The following CAMK1D variants were observed in gnomAD, a reference collection of about 807,000 sequenced individuals.
CAMK1D encodes calcium/calmodulin dependent protein kinase ID.
In CAMK1D, 9 loss-of-function variants were observed where a neutral mutation model predicts 47.7. That is an observed-to-expected ratio of 0.19 (90% CI 0.11 to 0.33). The LOEUF (loss-of-function observed/expected upper bound fraction) is 0.33. Among genes scored for constraint, CAMK1D ranks in the 10% least tolerant of loss-of-function variants. The pLI is 1.00. For missense variants in CAMK1D, 291 were observed against 488.7 expected (o/e 0.60, Z 3.81); for synonymous variants, 184 against 184.9 (o/e 0.99, Z 0.04).
At chr10:12,763,514 T>C (rs1289933042) in intron 4 of CAMK1D, among the ~76,000 whole-genome samples, 3 of 152,178 alleles carry the variant, frequency 2.0e-5, no homozygotes, top group African/African-American at 7.2e-5. Context: ...TGGATTAGGA[T>C]TGGGTTTCTC....
chr10:12,820,778 T>C (rs1623686), intron 8 of CAMK1D, among the ~76,000 whole-genome samples: 98,253 of 151,772 alleles, frequency 0.65, 32,935 homozygotes, highest in East Asian at 0.83. Flanking sequence ...TCTTAGCAGA[T>C]GGCTCCCGCC....
intron 2 of CAMK1D, among the ~76,000 whole-genome samples, chr10:12,559,774 A>G (rs1379877171): frequency 1.3e-5 from 2 of 152,150 alleles, no homozygotes. Flanking sequence ...CAGTAGTGGC[A>G]GTGCCAGGCC....
intron 3 of CAMK1D, among the ~76,000 whole-genome samples, chr10:12,676,214 A>G (rs1429889004): frequency 6.6e-6 from 1 of 152,170 alleles, no homozygotes; most frequent in African/African-American, 2.4e-5. Flanking sequence ...TCTACCTCCC[A>G]GAGTGCTGGG....
In CAMK1D at chr10:12,707,521, A is replaced by T. The variant is rs375589597; in HGVS notation, c.299+40711A>T. Among the ~76,000 whole-genome samples, 604 of 152,324 alleles carry T rather than the reference A, an allele frequency of 4.0e-3. 7 individuals are homozygous for T. The highest frequency in any genetic ancestry group is 0.013 in the African/African-American group (558 of 41,574). ...ACATTGGCAGCAAGGCAGGTGGCCA[A>T]AGCCTGCGGAGGAAGGACAGGAAAT... is the stretch of plus-strand genomic sequence containing the variant. On this transcript the variant is annotated intron_variant, in intron 3 of 10. Coordinates refer to ENST00000619168, the MANE Select transcript of CAMK1D (RefSeq NM_153498.4).
At chr10:12,774,809 G>A (rs1432674803) in intron 5 of CAMK1D, among the ~76,000 whole-genome samples, 3 of 152,252 alleles carry the variant, frequency 2.0e-5, no homozygotes, top group Non-Finnish European at 2.9e-5. Flanking sequence ...TTTAGGTTGC[G>A]CGCTCCTTTT....
chr10:12,582,758 T>C (rs1837699208), intron 2 of CAMK1D, among the ~76,000 whole-genome samples: 1 of 152,224 alleles, frequency 6.6e-6, no homozygotes, highest in African/African-American at 2.4e-5. Context: ...TTATCAGAAG[T>C]GTGCTTTTTA....
chr10:12,356,772 T>C (rs951954839), intron 1 of CAMK1D, among the ~76,000 whole-genome samples: 8 of 150,196 alleles, frequency 5.3e-5, no homozygotes, highest in African/African-American at 2.0e-4. Flanking sequence ...AACTTCAGTG[T>C]CCTTATTGAT....
chr10:12,422,102 C>G (rs185774879), intron 1 of CAMK1D, among the ~76,000 whole-genome samples: 14 of 150,622 alleles, frequency 9.3e-5, no homozygotes, highest in Non-Finnish European at 1.9e-4. Context: ...AGCCACTGTG[C>G]CCAGTCTTGG....
At chr10:12,828,119 C>T (rs113540848) in intron 10 of CAMK1D, among the ~76,000 whole-genome samples, 2,239 of 152,260 alleles carry the variant, frequency 0.015, 48 homozygotes, top group African/African-American at 0.05. Context: ...GTGGACAATT[C>T]GTATGATGAC....
chr10:12,669,130 G>T (rs1005771087), intron 3 of CAMK1D, among the ~76,000 whole-genome samples: 4 of 152,138 alleles, frequency 2.6e-5, no homozygotes, highest in African/African-American at 9.7e-5. Flanking sequence ...TACTCAGGAG[G>T]CTGAGGCAGG....
chr10:12,364,893 A>G (rs1163167449), intron 1 of CAMK1D, among the ~76,000 whole-genome samples: 2 of 151,996 alleles, frequency 1.3e-5, no homozygotes, highest in South Asian at 2.1e-4. Flanking sequence ...AGCAGAGGTC[A>G]GGAGTCTGGG....
intron 3 of CAMK1D, among the ~76,000 whole-genome samples, chr10:12,694,208 G>A (rs374491897): frequency 0.76 from 13,708 of 18,120 alleles, 6,082 homozygotes; most frequent in Middle Eastern, 1. Context: ...TATATATTAT[G>A]TATAATATAA....
intron 2 of CAMK1D, among the ~76,000 whole-genome samples, chr10:12,652,295 C>T (rs78709892): frequency 0.029 from 4,322 of 151,552 alleles, 78 homozygotes; most frequent in Non-Finnish European, 0.045. Flanking sequence ...AAACAAATTC[C>T]CTAGGGCTGG....
intron 1 of CAMK1D, among the ~76,000 whole-genome samples, chr10:12,415,589 C>T (rs1235121400): frequency 4.6e-5 from 7 of 151,538 alleles, no homozygotes; most frequent in East Asian, 1.9e-4. Flanking sequence ...CATGAGCCAC[C>T]GTGCCTGGCC....
intron 1 of CAMK1D, among the ~76,000 whole-genome samples, chr10:12,511,632 A>G (rs1835043388): frequency 1.3e-5 from 2 of 152,130 alleles, no homozygotes; most frequent in Admixed American, 6.5e-5. Context: ...AAACAAACAA[A>G]AAAACCACAT....
chr10:12,769,580 C>A, intron 4 of CAMK1D, 93 bp from the exon 5 acceptor site: 2 of 1,410,310 alleles, frequency 1.4e-6, no homozygotes, highest in Non-Finnish European at 9.7e-7. Flanking sequence ...GACGTCCTGA[C>A]GTTGTGAATA....
intron 1 of CAMK1D, among the ~76,000 whole-genome samples, chr10:12,468,865 GT>G (rs1398292529): frequency 6.6e-6 from 1 of 152,162 alleles, no homozygotes; most frequent in Non-Finnish European, 1.5e-5. Context: ...TCATGGGGTT[GT>G]TTTTCTTATT....
chr10:12,747,277 G>A (rs935924527), intron 3 of CAMK1D, among the ~76,000 whole-genome samples: 5 of 152,026 alleles, frequency 3.3e-5, no homozygotes, highest in Admixed American at 1.3e-4. Context: ...TGTTCCACCC[G>A]CCTCAGCCTC....
intron 1 of CAMK1D, among the ~76,000 whole-genome samples, chr10:12,475,773 G>A (rs1237575915): frequency 6.7e-6 from 1 of 149,536 alleles, no homozygotes; most frequent in Non-Finnish European, 1.5e-5. Flanking sequence ...TGTTAGAGAT[G>A]GACTTCAGAG....
Sources: allele counts gnomAD v4.1 joint callset (sites outside exome capture counted in the v4.1 genomes callset), GRCh38; gene constraint gnomAD v4.1.1; transcripts MANE v1.5; gene names NCBI Gene and HGNC (gene_info 2026-07-23, HGNC 2026-07-21).